Variants in SCHIP1 observed in about 807,000 individuals in gnomAD.
SCHIP1 encodes the protein schwannomin-interacting protein 1.
SCHIP1 carries 8 observed loss-of-function variants against 29.7 expected under a neutral mutation model. That is an observed-to-expected ratio of 0.27 (90% confidence interval 0.16 to 0.49). The LOEUF (loss-of-function observed/expected upper bound fraction) is 0.49. Among genes scored for constraint, SCHIP1 ranks in the 20% least tolerant of loss-of-function variants. SCHIP1 has a pLI of 0.99. For missense variants in SCHIP1, 193 were observed against 294.6 expected, an observed-to-expected ratio of 0.66 and a Z score of 2.52; for synonymous variants, 76 against 94.9, an observed-to-expected ratio of 0.80 and a Z score of 1.16.
At chr3:159,637,634 T>C in the SCHIP1 span, among the ~76,000 whole-genome samples, 1 of 152,196 alleles carries the variant, frequency 6.6e-6, no homozygotes, top group East Asian at 1.9e-4. Flanking sequence ...GAAAATCTAG[T>C]GTTTAAATTA....
chr3:159,750,257 GTGTGTGTATATATATATATA>G, the SCHIP1 span, among the ~76,000 whole-genome samples: 77,763 of 134,630 alleles, frequency 0.58, 23,338 homozygotes, highest in Middle Eastern at 0.77. Flanking sequence ...GTGTGTATGT[GTGTGTGTATATATATATATA>G]TATATATATA....
the SCHIP1 span, among the ~76,000 whole-genome samples, chr3:159,740,556 C>CA: frequency 1.4e-3 from 217 of 151,990 alleles, no homozygotes; most frequent in Non-Finnish European, 2.4e-3. Context: ...CCCCTGCCCC[C>CA]AAAAAATCCA....
At chr3:159,561,273 T>C in the SCHIP1 span, among the ~76,000 whole-genome samples, 2 of 152,174 alleles carry the variant, frequency 1.3e-5, no homozygotes, top group Non-Finnish European at 2.9e-5. Context: ...CAGAAGCTAA[T>C]CAGGAGAATA....
At chr3:159,372,683 G>C in the SCHIP1 span, among the ~76,000 whole-genome samples, 1 of 152,090 alleles carries the variant, frequency 6.6e-6, no homozygotes, top group Non-Finnish European at 1.5e-5. Context: ...GCTAAGAATG[G>C]GTTTGAGGGT....
chr3:159,421,287 T>C, the SCHIP1 span, among the ~76,000 whole-genome samples: 1 of 152,224 alleles, frequency 6.6e-6, no homozygotes, highest in Non-Finnish European at 1.5e-5. Flanking sequence ...TTTAGTCTGC[T>C]CTGTGTATTG....
the SCHIP1 span, among the ~76,000 whole-genome samples, chr3:159,690,712 T>C: frequency 1.2e-3 from 190 of 152,352 alleles, no homozygotes; most frequent in African/African-American, 4.5e-3. Context: ...AGATCTCTCC[T>C]GCTTTCTCCT....
chr3:159,874,363 A>T lies in SCHIP1; in HGVS notation c.149+8082A>T, dbSNP rs372565942. ...CTGCTTTGAATAATGATTACTGTTT[A>T]CTTAACTCAACCATTCCAACATCAC... On this transcript the variant is annotated intron_variant, in intron 2 of 6. Coordinates refer to ENST00000445224, the Ensembl canonical transcript of SCHIP1. 8.0e-4 allele frequency among the ~76,000 whole-genome samples: 122 copies of T among 152,334 alleles called. No individual in the cohort carries two copies. The South Asian group carries it at 0.015, about 18-fold the overall frequency.
the SCHIP1 span, among the ~76,000 whole-genome samples, chr3:159,834,040 T>A: frequency 6.6e-6 from 1 of 152,158 alleles, no homozygotes; most frequent in African/African-American, 2.4e-5. Context: ...GTTGATGTTG[T>A]TCTTAATTAG....
the SCHIP1 span, among the ~76,000 whole-genome samples, chr3:159,777,091 T>C: frequency 6.6e-6 from 1 of 152,220 alleles, no homozygotes; most frequent in Non-Finnish European, 1.5e-5. Context: ...TTATGAGAAC[T>C]ATCTTGACTA....
At chr3:159,493,852 G>A in the SCHIP1 span, among the ~76,000 whole-genome samples, 2 of 152,116 alleles carry the variant, frequency 1.3e-5, no homozygotes, top group African/African-American at 4.8e-5. Context: ...ATAGTTGGAA[G>A]TAAAGCACTC....
the SCHIP1 span, among the ~76,000 whole-genome samples, chr3:159,742,660 CT>C: frequency 6.6e-6 from 1 of 151,086 alleles, no homozygotes; most frequent in South Asian, 2.1e-4. Flanking sequence ...TGGATACACT[CT>C]TTTTTTTCTT....
chr3:159,857,092 T>A lies in SCHIP1; in HGVS notation c.31-9071T>A, dbSNP rs1366969319. Among the ~76,000 whole-genome samples, 4 of 152,318 alleles carry A rather than the reference T, an allele frequency of 2.6e-5. No homozygotes were observed. In the East Asian group the frequency reaches 7.7e-4, roughly 29 times the overall value. ...CTTTGTGGGCCAGGTTCTCCTTTTCTTAAAAAGAAAGAATTAGCCTGGTCG... is the reference window on the plus strand; with the variant it reads ...CTTTGTGGGCCAGGTTCTCCTTTTCATAAAAAGAAAGAATTAGCCTGGTCG... On this transcript the variant is annotated intron_variant, in intron 1 of 6. Transcript: ENST00000445224.
chr3:159,277,184 T>C, the SCHIP1 span, among the ~76,000 whole-genome samples: 3 of 152,184 alleles, frequency 2.0e-5, no homozygotes, highest in Non-Finnish European at 4.4e-5. Flanking sequence ...CCGGTTTCAT[T>C]TTGTGTGCTT....
chr3:159,714,473 G>T, the SCHIP1 span, among the ~76,000 whole-genome samples: 1 of 152,224 alleles, frequency 6.6e-6, no homozygotes, highest in Non-Finnish European at 1.5e-5. Flanking sequence ...AGCGCAAGAA[G>T]TCGGGGAATT....
chr3:159,462,543 C>G, the SCHIP1 span, among the ~76,000 whole-genome samples: 2 of 152,144 alleles, frequency 1.3e-5, no homozygotes. Flanking sequence ...CTGGCTCTGA[C>G]TTTTCTCTCT....
the SCHIP1 span, among the ~76,000 whole-genome samples, chr3:159,507,108 G>A: frequency 6.6e-6 from 1 of 152,184 alleles, no homozygotes; most frequent in African/African-American, 2.4e-5. Context: ...AGCATGGAAT[G>A]TTCTTCCATT....
the SCHIP1 span, among the ~76,000 whole-genome samples, chr3:159,310,763 A>C: frequency 6.6e-6 from 1 of 152,188 alleles, no homozygotes. Flanking sequence ...ATCACACAAA[A>C]TTTCTACATC....
the SCHIP1 span, among the ~76,000 whole-genome samples, chr3:159,786,420 A>G: frequency 6.6e-6 from 1 of 152,192 alleles, no homozygotes. Flanking sequence ...TAGTTCTCAA[A>G]TTATTCAAAT....
the SCHIP1 span, among the ~76,000 whole-genome samples, chr3:159,437,339 G>A: frequency 1.3e-5 from 2 of 152,058 alleles, no homozygotes; most frequent in Non-Finnish European, 2.9e-5. Flanking sequence ...ATCCTTCTGC[G>A]ATCATCCTCT....
Sources: gnomAD v4.1 joint callset for allele counts (sites outside exome capture counted in the v4.1 genomes callset) on GRCh38, gnomAD v4.1.1 for gene constraint, MANE v1.5 for transcripts, NCBI Gene and HGNC (gene_info 2026-07-23, HGNC 2026-07-21) for gene names.